Variants in PRMT8 observed in about 807,000 individuals in gnomAD.
PRMT8 encodes the protein protein arginine methyltransferase 8, also known as protein arginine N-methyltransferase 8.
A neutral mutation model predicts 47.1 loss-of-function variants in PRMT8; 7 were observed. The ratio of observed to expected loss-of-function variants is 0.15; its 90% confidence interval spans 0.08 to 0.28. The LOEUF is 0.28. Ranked by LOEUF, PRMT8 falls within the 10% of genes least tolerant of loss-of-function variation. The probability of loss-of-function intolerance (pLI) is 1.00; values close to 1 mark genes in which losing one functional copy is unlikely to be tolerated. For missense variants in PRMT8, 237 were observed against 505.4 expected, an observed-to-expected ratio of 0.47 and a Z score of 5.09; for synonymous variants, 188 against 186.5, an observed-to-expected ratio of 1.01 and a Z score of -0.07.
intron 1 of PRMT8, among the ~76,000 whole-genome samples, chr12:3,434,968 C>CTTT (rs398044252): frequency 7.1e-4 from 93 of 130,718 alleles, no homozygotes; most frequent in African/African-American, 1.7e-3. Context: ...TTGCTTTGCT[C>CTTT]TTTTTTTTTT....
In PRMT8 at chr12:3,516,315, GTTCATTCA is replaced by G. The variant is rs145251076; in HGVS notation, c.76-24271_76-24264del. On this transcript the variant is annotated intron_variant, in intron 1 of 9. Coordinates refer to ENST00000382622, the MANE Select transcript of PRMT8 (RefSeq NM_019854.5). Reference sequence around the variant, plus strand: ...TCCCCTCTTGGTGATTTGTTAAGGGGTTCATTCATTCATTCATTCATTCATTCGTTTGT... The same window carrying G: ...TCCCCTCTTGGTGATTTGTTAAGGGGTTCATTCATTCATTCATTCGTTTGT... 2.5e-3 allele frequency among the ~76,000 whole-genome samples: 384 copies of G among 152,136 alleles called. 7 individuals are homozygous for G. The East Asian group carries it at 0.053, about 21-fold the overall frequency.
intron 9 of PRMT8, 125 bp downstream of exon 9, chr12:3,592,477 C>T (rs544753997): frequency 2.4e-5 from 26 of 1,064,444 alleles, no homozygotes; most frequent in South Asian, 1.9e-4. Context: ...GGCAGGCAGT[C>T]GGTAGCCACA....
chr12:3,565,714 A>G lies in PRMT8; in HGVS notation c.482-2992A>G, dbSNP rs112089359. 2.5e-3 allele frequency among the ~76,000 whole-genome samples: 381 copies of G among 152,268 alleles called. 3 individuals carry two copies. The highest frequency in any genetic ancestry group is 8.9e-3 in the African/African-American group (369 of 41,548). On this transcript the variant is annotated intron_variant, in intron 4 of 9. Transcript: ENST00000382622. Reference sequence around the variant, plus strand: ...TTCTATATCGTCTGTCTATCTATCAATCATCTCTTGTAATCCATATTGATG... The same window carrying G: ...TTCTATATCGTCTGTCTATCTATCAGTCATCTCTTGTAATCCATATTGATG...
rs1020797173 is a variant in PRMT8, at chr12:3,552,873, G to C, written c.418-778G>C. ...AGGGCCTTAGCACAGGCCAGCCTCTGTAAGAGAGCCGGCTCCGGAGGTGAG... is the reference window on the plus strand; with the variant it reads ...AGGGCCTTAGCACAGGCCAGCCTCTCTAAGAGAGCCGGCTCCGGAGGTGAG... On this transcript the variant is annotated intron_variant, in intron 3 of 9. Transcript: ENST00000382622. This position sits in a 1 kb window ranked among gnomAD's most constrained non-coding sequence, Gnocchi z 4.5. 66 of 426,850 alleles carry C rather than the reference G, an allele frequency of 1.5e-4. No individual in the cohort carries two copies. Among genetic ancestry groups the C allele is most frequent in the African/African-American group, 8.8e-4 (43 of 49,048 alleles). 26.4% of individuals were successfully genotyped at this position (426,850 alleles called of 1,614,324 possible).
At chr12:3,494,668 G>T (rs1464301642) in intron 1 of PRMT8, among the ~76,000 whole-genome samples, 1 of 152,242 alleles carries the variant, frequency 6.6e-6, no homozygotes, top group African/African-American at 2.4e-5. Flanking sequence ...TAACCATTGG[G>T]CAGGAAGGGA....
At position 3,538,742 on chromosome 12, in the gene PRMT8, A is replaced by T. The variant is rs1248940658; in HGVS notation, c.76-1864A>T. On this transcript the variant is annotated intron_variant, in intron 1 of 9. Transcript: ENST00000382622. This position sits in a 1 kb window ranked among gnomAD's most constrained non-coding sequence, Gnocchi z 4.6. ...CAGCCTGCACAGGAGTGTGCACTTGACACAGTCTATTTTTAGCCTCCCAGA... is the reference window on the plus strand; with the variant it reads ...CAGCCTGCACAGGAGTGTGCACTTGTCACAGTCTATTTTTAGCCTCCCAGA... 3.9e-6 allele frequency: 2 copies of T among 518,762 alleles called. No homozygotes were observed. The highest frequency in any genetic ancestry group is 7.7e-6 in the Non-Finnish European group (2 of 259,854). The allele number at this position is 518,762 out of a possible 1,614,324, so 32.1% of individuals were successfully genotyped here. A position where few individuals can be genotyped will look rare whatever the true frequency, so the allele number is the denominator to read the frequency against.
In PRMT8 at chr12:3,569,587, G is replaced by A. The variant is rs113771111; in HGVS notation, c.712+23G>A. 121 of 1,598,944 alleles carry A rather than the reference G, an allele frequency of 7.6e-5. No individual in the cohort carries two copies. Among genetic ancestry groups the A allele is most frequent in the Middle Eastern group, 1.7e-4 (1 of 6,026 alleles). ...ACTGTAAGTCCCCTCTTGCTTCTCC[G>A]GTGGACTTCCACTGCACAATTGGGG... is the stretch of plus-strand genomic sequence containing the variant. On this transcript the variant is annotated intron_variant, in intron 6 of 9. Transcript: ENST00000382622. This position sits in a 1 kb window ranked among gnomAD's most constrained non-coding sequence, Gnocchi z 8.2.
intron 1 of PRMT8, among the ~76,000 whole-genome samples, chr12:3,401,917 A>G (rs1308400212): frequency 6.6e-6 from 1 of 152,238 alleles, no homozygotes; most frequent in Non-Finnish European, 1.5e-5. Flanking sequence ...AAAGTAATTT[A>G]TAGATTCAAT....
chr12:3,477,188 G>A (rs1455513867), intron 1 of PRMT8, among the ~76,000 whole-genome samples: 3 of 152,208 alleles, frequency 2.0e-5, no homozygotes, highest in Admixed American at 2.0e-4. Flanking sequence ...CCTGTTTCCT[G>A]GTCATTCTCC....
rs1438799912 is a variant in PRMT8 at position 3,453,733 on chromosome 12, G to A, written c.48+72291G>A. Among the ~76,000 whole-genome samples the A allele has an allele frequency of 2.6e-5, 4 of 152,120 alleles. No individual in the cohort carries two copies. The highest frequency in any genetic ancestry group is 2.0e-4 in the Admixed American group (3 of 15,284). On this transcript the variant is annotated intron_variant, in intron 1 of 9. Coordinates refer to the PRMT8 transcript ENST00000452611. This position sits in a 1 kb window ranked among gnomAD's most constrained non-coding sequence, Gnocchi z 4.9. ...TCTGTTCTGCCCACACATCTCCTGC[G>A]GCACCCTGTGGTCTGTGTCCTGACG... is the stretch of plus-strand genomic sequence containing the variant.
rs116075161 is a variant in PRMT8 at position 3,448,726 on chromosome 12, A to T, written c.48+67284A>T. Among the ~76,000 whole-genome samples, 439 of 152,312 alleles carry T rather than the reference A, an allele frequency of 2.9e-3. 1 individual carries two copies. The highest frequency in any genetic ancestry group is 0.01 in the African/African-American group (424 of 41,576). On this transcript the variant is annotated intron_variant, in intron 1 of 9. Coordinates refer to the PRMT8 transcript ENST00000452611. The stretch of plus-strand genomic sequence containing the variant: ...GTTTTTTTATTTTGCAAATCTTTTT[A>T]AAAATTTTATTTTATTTTATTTTAA...
At chr12:3,533,552 C>G (rs1347986325) in intron 1 of PRMT8, among the ~76,000 whole-genome samples, 1 of 152,238 alleles carries the variant, frequency 6.6e-6, no homozygotes, top group Non-Finnish European at 1.5e-5. Flanking sequence ...CTGGACAACC[C>G]TGACCCTCCT....
intron 1 of PRMT8, among the ~76,000 whole-genome samples, chr12:3,382,520 C>CA (rs1864102161): frequency 6.6e-6 from 1 of 152,098 alleles, no homozygotes; most frequent in African/African-American, 2.4e-5. Flanking sequence ...GCCATCTGTA[C>CA]GTCCTCTTTG....
chr12:3,588,840 A>G (rs1229307252), intron 8 of PRMT8, among the ~76,000 whole-genome samples: 1 of 152,200 alleles, frequency 6.6e-6, no homozygotes, highest in Non-Finnish European at 1.5e-5. Context: ...AGAATGGGGA[A>G]GGCTGAAAGC....
At chr12:3,506,674 CAGGTGTG>C (rs1865630002) in intron 1 of PRMT8, among the ~76,000 whole-genome samples, 1 of 152,132 alleles carries the variant, frequency 6.6e-6, no homozygotes, top group African/African-American at 2.4e-5. Context: ...GGAGTTCCTA[CAGGTGTG>C]AGGGAATGGG....
At chr12:3,519,454 C>T (rs1006466912) in intron 1 of PRMT8, among the ~76,000 whole-genome samples, 9 of 152,080 alleles carry the variant, frequency 5.9e-5, no homozygotes, top group African/African-American at 1.4e-4. Flanking sequence ...GCCACTGAGG[C>T]GGGACAGGGC....
intron 1 of PRMT8, among the ~76,000 whole-genome samples, chr12:3,433,743 C>A (rs1189874266): frequency 6.6e-6 from 1 of 152,172 alleles, no homozygotes; most frequent in Non-Finnish European, 1.5e-5. Context: ...TCCCGACTAG[C>A]TGGGGCTACA....
At chr12:3,526,996 G>A (rs963638118) in intron 1 of PRMT8, among the ~76,000 whole-genome samples, 2 of 152,102 alleles carry the variant, frequency 1.3e-5, no homozygotes, top group African/African-American at 4.8e-5. Context: ...AATTATTGGT[G>A]CAGTTGGGTT....
chr12:3,460,036 G>T (rs1865023599), intron 1 of PRMT8, among the ~76,000 whole-genome samples: 1 of 152,172 alleles, frequency 6.6e-6, no homozygotes, highest in Admixed American at 6.5e-5. Context: ...AAGCTGTGTG[G>T]ATCTTACTTT....
Sources: gnomAD v4.1 joint callset for allele counts (sites outside exome capture counted in the v4.1 genomes callset) on GRCh38, gnomAD v4.1.1 for gene constraint, Gnocchi (gnomAD v3.1) non-coding constraint, MANE v1.5 for transcripts, NCBI Gene and HGNC (gene_info 2026-07-23, HGNC 2026-07-21) for gene names.